Variants in BIRC6 observed in about 807,000 individuals in gnomAD.
BIRC6 encodes baculoviral IAP repeat containing 6.
BIRC6 carries 98 observed loss-of-function variants against 503.3 expected under a neutral mutation model. The observed-to-expected ratio is 0.19, with a 90% confidence interval of 0.17 to 0.23. The LOEUF is 0.23. Among genes scored for constraint, BIRC6 ranks in the 10% least tolerant of loss-of-function variants. BIRC6 has a pLI of 1.00. For missense variants in BIRC6, 5,360 were observed against 5,806.0 expected, an observed-to-expected ratio of 0.92 and a Z score of 2.50; for synonymous variants, 2,240 against 2,078.7, an observed-to-expected ratio of 1.08 and a Z score of -2.11.
intron 3 of BIRC6, among the ~76,000 whole-genome samples, chr2:32,386,663 C>T (rs758693940): frequency 5.9e-5 from 9 of 152,046 alleles, no homozygotes; most frequent in Admixed American, 1.3e-4. Flanking sequence ...TGGTCTCAGA[C>T]GTTTAGGCTC....
intron 65 of BIRC6, chr2:32,565,484 C>G (rs895540046): frequency 6.6e-6 from 1 of 152,082 alleles, no homozygotes; most frequent in Non-Finnish European, 1.5e-5. Flanking sequence ...CTGCCTCTGT[C>G]CTACCAATAA....
rs576616184 is a variant in BIRC6, at chr2:32,362,792, T to A, written c.325+5306T>A. Reference sequence around the variant, plus strand: ...GGTTAAGATCCCAGTGTCTTAAAAATTTTTTTTTTTTTAAATTCATCCCAT... The same window carrying A: ...GGTTAAGATCCCAGTGTCTTAAAAAATTTTTTTTTTTTAAATTCATCCCAT... On this transcript the variant is annotated intron_variant, in intron 1 of 73. Coordinates refer to ENST00000421745, the MANE Select transcript of BIRC6 (RefSeq NM_016252.4). 1.6e-3 allele frequency among the ~76,000 whole-genome samples: 225 copies of A among 139,148 alleles called. 1 individual carries two copies. Among genetic ancestry groups the A allele is most frequent in the South Asian group, 2.0e-3 (9 of 4,564 alleles). The allele number at this position is 139,148 out of a possible 152,430, so 91.3% of individuals were successfully genotyped here. A position where few individuals can be genotyped will look rare whatever the true frequency, so the allele number is the denominator to read the frequency against.
intron 65 of BIRC6, among the ~76,000 whole-genome samples, chr2:32,552,105 T>G (rs2058464228): frequency 6.6e-6 from 1 of 152,208 alleles, no homozygotes; most frequent in Non-Finnish European, 1.5e-5. Context: ...ACACACTAGT[T>G]TATGCCTTCC....
chr2:32,561,994 A>T lies in BIRC6; in HGVS notation c.13144+12513A>T, dbSNP rs937948321. 2.6e-5 allele frequency among the ~76,000 whole-genome samples: 4 copies of T among 152,000 alleles called. No homozygotes were observed. The East Asian group carries it at 7.7e-4, about 29-fold the overall frequency. On this transcript the variant is annotated intron_variant, in intron 65 of 73. Transcript: ENST00000421745. ...GAGGTGAAGGTTGCAGTGAGCCGAG[A>T]TCATGCCATTGCACTCCAGCCTGAG...
chr2:32,605,331 A>G (rs1314110192), intron 71 of BIRC6, among the ~76,000 whole-genome samples: 2 of 152,184 alleles, frequency 1.3e-5, no homozygotes, highest in Non-Finnish European at 2.9e-5. Flanking sequence ...TAATTTTTAA[A>G]TTGTTATAAC....
At chr2:32,539,081 A>G (rs1439236786) in intron 61 of BIRC6, among the ~76,000 whole-genome samples, 1 of 152,240 alleles carries the variant, frequency 6.6e-6, no homozygotes. Flanking sequence ...TTAATGTATC[A>G]CAAAGTTGAA....
chr2:32,469,929 C>G (rs1049407732), intron 30 of BIRC6, among the ~76,000 whole-genome samples: 1 of 152,114 alleles, frequency 6.6e-6, no homozygotes, highest in Non-Finnish European at 1.5e-5. Context: ...TTCTCTCATT[C>G]ACTAAGTGCT....
At chr2:32,372,334 C>T (rs2036105435) in intron 1 of BIRC6, among the ~76,000 whole-genome samples, 1 of 152,116 alleles carries the variant, frequency 6.6e-6, no homozygotes, top group Admixed American at 6.5e-5. Context: ...GACCACTGAT[C>T]TGTTCTCCAT....
chr2:32,543,181 T>C, intron 61 of BIRC6, 60 bp from the exon 62 acceptor site: 2 of 1,476,600 alleles, frequency 1.4e-6, no homozygotes, highest in East Asian at 2.3e-5. Flanking sequence ...GTTAAGTCTT[T>C]ACTTTGAATC....
At chr2:32,412,201 C>T (rs940526483) in intron 9 of BIRC6, among the ~76,000 whole-genome samples, 7 of 151,770 alleles carry the variant, frequency 4.6e-5, no homozygotes, top group African/African-American at 1.7e-4. Context: ...AAAGAAGGCA[C>T]AATAGAAAAA....
At chr2:32,519,474 A>T (rs2055407362) in intron 57 of BIRC6, among the ~76,000 whole-genome samples, 1 of 152,144 alleles carries the variant, frequency 6.6e-6, no homozygotes, top group African/African-American at 2.4e-5. Flanking sequence ...GTTTTTTAAA[A>T]AGCAGTTTTT....
At chr2:32,440,508 CATT>C (rs1451315188) in intron 16 of BIRC6, among the ~76,000 whole-genome samples, 1 of 152,058 alleles carries the variant, frequency 6.6e-6, no homozygotes, top group Admixed American at 6.6e-5. Flanking sequence ...TGTTTATCAT[CATT>C]ATTTATAAGG....
intron 61 of BIRC6, among the ~76,000 whole-genome samples, chr2:32,535,670 G>A (rs374033918): frequency 2.9e-3 from 444 of 152,304 alleles, no homozygotes; most frequent in South Asian, 5.0e-3. Context: ...ATTCCATGGT[G>A]TATATGTCCC....
At chr2:32,451,118 C>T (rs184473058) in intron 22 of BIRC6, among the ~76,000 whole-genome samples, 5 of 152,324 alleles carry the variant, frequency 3.3e-5, no homozygotes, top group Non-Finnish European at 5.9e-5. Flanking sequence ...CTGTTCTTGC[C>T]TCACTTTAGT....
chr2:32,555,762 C>G (rs891280482), intron 65 of BIRC6, among the ~76,000 whole-genome samples: 5 of 151,936 alleles, frequency 3.3e-5, no homozygotes, highest in African/African-American at 1.2e-4. Context: ...CCAGCCTGGG[C>G]AACTTAGACC....
intron 3 of BIRC6, among the ~76,000 whole-genome samples, 166 bp downstream of exon 3, chr2:32,380,456 C>T (rs1031543198): frequency 2.0e-5 from 3 of 152,154 alleles, no homozygotes; most frequent in Non-Finnish European, 2.9e-5. Flanking sequence ...TGGCTGGGCA[C>T]GGTGGCTCAC....
chr2:32,450,589 G>C (rs1427345921), intron 22 of BIRC6, among the ~76,000 whole-genome samples: 1 of 152,148 alleles, frequency 6.6e-6, no homozygotes, highest in Admixed American at 6.5e-5. Flanking sequence ...AAATGTAAAT[G>C]TCATTCATGA....
At chr2:32,553,198 A>C (rs1467477468) in intron 65 of BIRC6, among the ~76,000 whole-genome samples, 1 of 19,682 alleles carries the variant, frequency 5.1e-5, no homozygotes, top group East Asian at 6.0e-4. Flanking sequence ...ACTCTGTCTC[A>C]AAAAAAAAAA....
At chr2:32,614,089 T>A (rs924695080) in intron 73 of BIRC6, among the ~76,000 whole-genome samples, 1 of 152,238 alleles carries the variant, frequency 6.6e-6, no homozygotes, top group Non-Finnish European at 1.5e-5. Context: ...GCTTTCTATT[T>A]ACTTAATTTT....
Sources: allele counts gnomAD v4.1 joint callset (sites outside exome capture counted in the v4.1 genomes callset), GRCh38; gene constraint gnomAD v4.1.1; transcripts MANE v1.5; gene names NCBI Gene and HGNC (gene_info 2026-07-23, HGNC 2026-07-21).